PALLD: variants seen among roughly 807,000 people sequenced by gnomAD.
PALLD encodes palladin.
PALLD carries 61 observed loss-of-function variants against 123.5 expected under a neutral mutation model. The observed-to-expected ratio is 0.49, with a 90% CI of 0.40 to 0.61. The LOEUF (loss-of-function observed/expected upper bound fraction) is 0.61, where lower values mean the gene tolerates loss of function less well. Among genes scored for constraint, PALLD ranks in the 20% least tolerant of loss-of-function variants. The probability of loss-of-function intolerance (pLI) is 0.00; values close to 1 mark genes in which losing one functional copy is unlikely to be tolerated. For synonymous variants in PALLD, 465 were observed against 496.4 expected (o/e 0.94, Z 0.84); for missense variants, 1,273 against 1,377.0 (o/e 0.92, Z 1.20).
At chr4:168,526,863 G>C (rs1015810423) in intron 2 of PALLD, among the ~76,000 whole-genome samples, 2 of 152,116 alleles carry the variant, frequency 1.3e-5, no homozygotes, top group Non-Finnish European at 2.9e-5. Context: ...CTCCAGAAAG[G>C]GAATCTGAAA....
Position 168,786,370 on chromosome 4 carries a change from T to C in PALLD, c.1964+74447T>C, listed in dbSNP as rs1736765635. Among the ~76,000 whole-genome samples, 3 of 152,096 alleles carry C rather than the reference T, an allele frequency of 2.0e-5. No individual in the cohort carries two copies. In the South Asian group the frequency reaches 6.2e-4, roughly 31 times the overall value. On this transcript the variant is annotated intron_variant, in intron 10 of 21. Transcript: ENST00000505667. ...TACTATTTTCATAGAAGTATACTTA[T>C]TGGCATAGAAATATGTTTACCTGTC... is the stretch of plus-strand genomic sequence containing the variant.
chr4:168,806,373 T>C (rs1190105888), intron 10 of PALLD, among the ~76,000 whole-genome samples: 2 of 152,138 alleles, frequency 1.3e-5, no homozygotes, highest in African/African-American at 2.4e-5. Flanking sequence ...CAAGATCTCG[T>C]TGTTTAAAAG....
intron 8 of PALLD, among the ~76,000 whole-genome samples, chr4:168,706,846 G>T (rs576248606): frequency 2.0e-5 from 3 of 152,190 alleles, no homozygotes; most frequent in East Asian, 3.9e-4. Flanking sequence ...ATAGATACAT[G>T]AATTTTTTTC....
chr4:168,624,214 A>G (rs1478551378), intron 2 of PALLD, among the ~76,000 whole-genome samples: 6 of 152,190 alleles, frequency 3.9e-5, no homozygotes, highest in Non-Finnish European at 7.3e-5. Flanking sequence ...ATTCACTAGC[A>G]CATTAAAAAA....
At chr4:168,766,149 A>G (rs1002318489) in intron 10 of PALLD, among the ~76,000 whole-genome samples, 1 of 152,214 alleles carries the variant, frequency 6.6e-6, no homozygotes, top group Non-Finnish European at 1.5e-5. Context: ...GAGTGATAAT[A>G]TCAACGCAAT....
At chr4:168,829,031 TC>T (rs1743821565) in intron 10 of PALLD, 1 of 152,256 alleles carries the variant, frequency 6.6e-6, no homozygotes. Context: ...GATGGAATAT[TC>T]TTTTTCAAAC....
intron 10 of PALLD, among the ~76,000 whole-genome samples, chr4:168,719,248 T>C (rs1009359307): frequency 1.6e-5 from 2 of 124,464 alleles, no homozygotes; most frequent in African/African-American, 3.1e-5. Context: ...TCAAAAGTAA[T>C]CTTCTTTTTT....
chr4:168,670,460 G>A (rs921687227), intron 3 of PALLD, among the ~76,000 whole-genome samples: 1 of 151,866 alleles, frequency 6.6e-6, no homozygotes, highest in African/African-American at 2.4e-5. Flanking sequence ...CGGGCCGGGC[G>A]CGGTGGCTCA....
At chr4:168,629,303 C>T (rs1775590733) in intron 2 of PALLD, among the ~76,000 whole-genome samples, 1 of 151,996 alleles carries the variant, frequency 6.6e-6, no homozygotes, top group South Asian at 2.1e-4. Flanking sequence ...CGTGAGCCAC[C>T]GTGCCCGGCC....
chr4:168,501,847 C>T (rs563644783), intron 1 of PALLD, among the ~76,000 whole-genome samples: 1 of 152,284 alleles, frequency 6.6e-6, no homozygotes, highest in South Asian at 2.1e-4. Flanking sequence ...CATTAACATG[C>T]GAATGTGCAC....
At chr4:168,571,008 G>C (rs1381318290) in intron 2 of PALLD, among the ~76,000 whole-genome samples, 1 of 152,090 alleles carries the variant, frequency 6.6e-6, no homozygotes, top group Non-Finnish European at 1.5e-5. Flanking sequence ...TTGTAATCTT[G>C]ATTTTTATTC....
chr4:168,722,186 A>G (rs1424986356), intron 10 of PALLD, among the ~76,000 whole-genome samples: 1 of 152,168 alleles, frequency 6.6e-6, no homozygotes, highest in Non-Finnish European at 1.5e-5. Flanking sequence ...CTGGGACTAC[A>G]AGTGCACAAC....
chr4:168,695,054 G>A (rs534741534), intron 8 of PALLD, among the ~76,000 whole-genome samples: 10 of 152,240 alleles, frequency 6.6e-5, no homozygotes, highest in South Asian at 6.2e-4. Context: ...GTCTAATAGC[G>A]TGCAAAATTA....
intron 2 of PALLD, among the ~76,000 whole-genome samples, chr4:168,557,270 G>A (rs1220458801): frequency 2.0e-5 from 3 of 151,942 alleles, no homozygotes; most frequent in Non-Finnish European, 2.9e-5. Context: ...TCTCAAACTC[G>A]TGACCTCAGG....
chr4:168,560,386 A>G (rs955555925), intron 2 of PALLD, among the ~76,000 whole-genome samples: 1 of 152,238 alleles, frequency 6.6e-6, no homozygotes, highest in Non-Finnish European at 1.5e-5. Flanking sequence ...GCTGGAAAGC[A>G]CTAGAACTGT....
chr4:168,786,712 G>A (rs1204870298), intron 10 of PALLD, among the ~76,000 whole-genome samples: 1 of 152,084 alleles, frequency 6.6e-6, no homozygotes, highest in Non-Finnish European at 1.5e-5. Context: ...CATTTAAAAA[G>A]CAGTAAATAT....
chr4:168,653,813 G>A (rs1580780694), intron 2 of PALLD, among the ~76,000 whole-genome samples: 1 of 152,154 alleles, frequency 6.6e-6, no homozygotes, highest in South Asian at 2.1e-4. Context: ...CCATTCTCCT[G>A]CCTCAGCCTT....
intron 15 of PALLD, among the ~76,000 whole-genome samples, chr4:168,906,836 T>C (rs1582074259): frequency 6.6e-6 from 1 of 151,092 alleles, no homozygotes; most frequent in Non-Finnish European, 1.5e-5. Flanking sequence ...CAAAGCCCAA[T>C]ATATAATGCC....
intron 8 of PALLD, among the ~76,000 whole-genome samples, chr4:168,693,859 A>C (rs1782883146): frequency 6.6e-6 from 1 of 151,494 alleles, no homozygotes; most frequent in Non-Finnish European, 1.5e-5. Flanking sequence ...ATTAAATAAA[A>C]TCCATGATCA....
Sources: allele counts gnomAD v4.1 joint callset (sites outside exome capture counted in the v4.1 genomes callset), GRCh38; gene constraint gnomAD v4.1.1; transcripts MANE v1.5; gene names NCBI Gene and HGNC (gene_info 2026-07-23, HGNC 2026-07-21).